The following ROBO2 variants were observed in gnomAD, a reference collection of about 807,000 sequenced individuals.
ROBO2 encodes the protein roundabout homolog 2.
ROBO2 carries 53 observed loss-of-function variants against 160.8 expected under a neutral mutation model. That is an observed-to-expected ratio of 0.33 (90% CI 0.26 to 0.41). The LOEUF (loss-of-function observed/expected upper bound fraction) is 0.41, where lower values mean the gene tolerates loss of function less well. Ranked by LOEUF, ROBO2 falls within the 10% of genes least tolerant of loss-of-function variation. The probability of loss-of-function intolerance (pLI) is 1.00; values close to 1 mark genes in which losing one functional copy is unlikely to be tolerated. For missense variants in ROBO2, 1,577 were observed against 1,722.4 expected (o/e 0.92, Z 1.49); for synonymous variants, 664 against 611.7 (o/e 1.09, Z -1.26).
chr3:77,293,948 G>A (rs143658387), intron 2 of ROBO2, among the ~76,000 whole-genome samples: 546 of 143,242 alleles, frequency 3.8e-3, no homozygotes, highest in African/African-American at 0.014. Context: ...TGGTTAAACG[G>A]GTAAGCTGAG....
chr3:77,470,499 C>A (rs1582225100), intron 2 of ROBO2, among the ~76,000 whole-genome samples: 1 of 152,272 alleles, frequency 6.6e-6, no homozygotes, highest in Admixed American at 6.5e-5. Flanking sequence ...GCTTACCTAA[C>A]ACAATAGATG....
intron 2 of ROBO2, among the ~76,000 whole-genome samples, chr3:77,244,207 T>G (rs1205423838): frequency 2.6e-5 from 4 of 152,210 alleles, no homozygotes; most frequent in African/African-American, 9.7e-5. Flanking sequence ...AAAGGCAACT[T>G]ACTGGAAGAA....
chr3:77,258,770 A>G (rs2058590657), intron 2 of ROBO2, among the ~76,000 whole-genome samples: 2 of 152,208 alleles, frequency 1.3e-5, no homozygotes, highest in Non-Finnish European at 2.9e-5. Flanking sequence ...AGCTATGAAT[A>G]AGCTAAATAT....
At chr3:76,624,284 CT>C (rs1267190782) in intron 2 of ROBO2, among the ~76,000 whole-genome samples, 2 of 152,094 alleles carry the variant, frequency 1.3e-5, no homozygotes, top group South Asian at 2.1e-4. Flanking sequence ...CGGGCAGAAC[CT>C]GGTAAGTGGT....
chr3:77,140,968 T>A (rs1446230179), intron 2 of ROBO2, among the ~76,000 whole-genome samples: 10 of 152,164 alleles, frequency 6.6e-5, no homozygotes. Context: ...ATTCTATGAG[T>A]GTCAGATAGT....
At chr3:76,537,041 C>G (rs1401465276) in intron 2 of ROBO2, among the ~76,000 whole-genome samples, 8 of 151,752 alleles carry the variant, frequency 5.3e-5, no homozygotes, top group Admixed American at 2.0e-4. Context: ...GGAGTGGAGG[C>G]TGAGGAAGAA....
intron 2 of ROBO2, among the ~76,000 whole-genome samples, chr3:76,821,135 A>G (rs1250715095): frequency 6.6e-6 from 1 of 152,022 alleles, no homozygotes; most frequent in African/African-American, 2.4e-5. Flanking sequence ...AAACAATCGA[A>G]AAAATAAACA....
intron 2 of ROBO2, among the ~76,000 whole-genome samples, chr3:77,401,039 T>A (rs771384962): frequency 2.0e-5 from 3 of 151,608 alleles, no homozygotes; most frequent in Non-Finnish European, 4.4e-5. Context: ...CCGGATTGTT[T>A]CCACGATTCT....
At position 76,092,482 on chromosome 3, in the gene ROBO2, T is replaced by C. The variant is rs572979605; in HGVS notation, c.109+154880T>C. 2.4e-3 allele frequency among the ~76,000 whole-genome samples: 373 copies of C among 152,298 alleles called. 3 individuals are homozygous for C. The highest frequency in any genetic ancestry group is 8.6e-3 in the African/African-American group (359 of 41,568). On this transcript the variant is annotated intron_variant, in intron 2 of 26. Coordinates refer to the ROBO2 transcript ENST00000487694. ...GTTTCAAATTAACAGTAATGGCTAA[T>C]GGCATAACTTCTATCCCCTAAGTTA...
chr3:76,718,122 A>G (rs2093411274), intron 2 of ROBO2, among the ~76,000 whole-genome samples: 1 of 152,180 alleles, frequency 6.6e-6, no homozygotes, highest in South Asian at 2.1e-4. Context: ...ATAAGTGTCT[A>G]CCATAGACAG....
intron 1 of ROBO2, among the ~76,000 whole-genome samples, chr3:77,064,570 C>T (rs1281528900): frequency 6.6e-5 from 10 of 151,258 alleles, no homozygotes; most frequent in East Asian, 1.9e-4. Context: ...CATATTGGCC[C>T]GGCTGGTCTT....
At chr3:77,352,705 C>T (rs28687291) in intron 2 of ROBO2, among the ~76,000 whole-genome samples, 52,122 of 151,854 alleles carry the variant, frequency 0.34, 9,332 homozygotes, top group Non-Finnish European at 0.38. Context: ...CCTTATTTTT[C>T]GGAGTGTTCA....
chr3:76,062,713 A>G (rs1240169956), intron 2 of ROBO2, among the ~76,000 whole-genome samples: 1 of 152,208 alleles, frequency 6.6e-6, no homozygotes, highest in Non-Finnish European at 1.5e-5. Flanking sequence ...GTGCAGATCA[A>G]AAAGCATGAA....
intron 24 of ROBO2, among the ~76,000 whole-genome samples, chr3:77,639,356 A>G (rs1272058066): frequency 6.6e-6 from 1 of 152,200 alleles, no homozygotes; most frequent in African/African-American, 2.4e-5. Flanking sequence ...ACCTAAGTAC[A>G]TACATGAACA....
At chr3:77,205,403 C>T (rs1031681166) in intron 2 of ROBO2, among the ~76,000 whole-genome samples, 2 of 151,958 alleles carry the variant, frequency 1.3e-5, no homozygotes, top group Admixed American at 6.5e-5. Flanking sequence ...CTTCTCTTCT[C>T]TCTCTTTCTC....
chr3:76,209,311 C>T (rs1309979365), intron 2 of ROBO2, among the ~76,000 whole-genome samples: 3 of 152,136 alleles, frequency 2.0e-5, no homozygotes, highest in African/African-American at 7.2e-5. Flanking sequence ...ATATCTTAGT[C>T]ATTCTCTTAT....
intron 2 of ROBO2, among the ~76,000 whole-genome samples, chr3:76,997,863 G>C (rs909908244): frequency 3.3e-5 from 5 of 152,130 alleles, no homozygotes; most frequent in Non-Finnish European, 7.3e-5. Context: ...CATGTCAGCT[G>C]GGAAATGGCC....
intron 2 of ROBO2, among the ~76,000 whole-genome samples, chr3:76,356,218 A>G (rs1168704418): frequency 1.3e-5 from 2 of 151,676 alleles, no homozygotes; most frequent in Non-Finnish European, 3.0e-5. Context: ...AAGAGGTCTA[A>G]TGGAATACTA....
intron 2 of ROBO2, among the ~76,000 whole-genome samples, chr3:77,137,024 T>C (rs770453219): frequency 3.9e-5 from 6 of 152,156 alleles, no homozygotes; most frequent in Non-Finnish European, 7.4e-5. Context: ...CCTCAAGCAG[T>C]CCTCCCACTT....
Sources: gnomAD v4.1 joint callset for allele counts (sites outside exome capture counted in the v4.1 genomes callset) on GRCh38, gnomAD v4.1.1 for gene constraint, MANE v1.5 for transcripts, NCBI Gene and HGNC (gene_info 2026-07-23, HGNC 2026-07-21) for gene names.